The following GRIN3A variants were observed in gnomAD, a reference collection of about 807,000 sequenced individuals.
The protein encoded by GRIN3A is glutamate receptor ionotropic, NMDA 3A.
GRIN3A carries 47 observed loss-of-function variants against 92.4 expected under a neutral mutation model. The ratio of observed to expected loss-of-function variants is 0.51; its 90% CI spans 0.40 to 0.65. The LOEUF (loss-of-function observed/expected upper bound fraction) is 0.65, where lower values mean the gene tolerates loss of function less well. GRIN3A is among the 30% of genes least tolerant of loss of function. GRIN3A has a pLI of 0.00. For missense variants in GRIN3A, 1,324 were observed against 1,393.1 expected (o/e 0.95, Z 0.79); for synonymous variants, 527 against 540.6 (o/e 0.97, Z 0.35).
At chr9:101,644,815 A>G (rs1050232361) in intron 3 of GRIN3A, among the ~76,000 whole-genome samples, 1 of 151,826 alleles carries the variant, frequency 6.6e-6, no homozygotes, top group Non-Finnish European at 1.5e-5. Context: ...CACTTTCTCT[A>G]TACCCCCATT....
At chr9:101,597,828 T>C (rs562945545) in intron 6 of GRIN3A, among the ~76,000 whole-genome samples, 5 of 152,048 alleles carry the variant, frequency 3.3e-5, no homozygotes, top group African/African-American at 1.2e-4. Flanking sequence ...ATAGTATATA[T>C]ATGATAAAGG....
At chr9:101,628,485 TTAA>T in intron 3 of GRIN3A, 84 bp from the exon 4 acceptor site, 1 of 1,395,722 alleles carries the variant, frequency 7.2e-7, no homozygotes. Context: ...TCTTTGAAAC[TTAA>T]TAATAATTCG....
chr9:101,623,412 G>C lies in GRIN3A; in HGVS notation c.2520C>G (p.Asp840Glu), dbSNP rs143827340. Residue 840 changes from aspartate (D) to glutamate (E), a missense_variant, in exon 5 of 9, where the codon GAC (aspartate) becomes GAG (glutamate). Physicochemically the swap from Asp to Glu is conservative, Grantham distance 45. Coordinates refer to ENST00000361820, the MANE Select transcript of GRIN3A (RefSeq NM_133445.3). ...GAAGGGCTTTGTCCATGATGAAGGC[G>C]TCTAGTTTCTCTGGATCATTCCTAT... ...EYLKNDPEKL[D>E]AFIMDKALLD... 9 of 1,610,784 alleles carry C rather than the reference G, an allele frequency of 5.6e-6. No individual in the cohort carries two copies. The South Asian group carries it at 8.8e-5, about 16-fold the overall frequency.
intron 3 of GRIN3A, among the ~76,000 whole-genome samples, chr9:101,650,956 CTA>C (rs1829007726): frequency 6.6e-6 from 1 of 151,932 alleles, no homozygotes; most frequent in African/African-American, 2.4e-5. Context: ...CTTGTGGGTA[CTA>C]TGTTTCCCTT....
chr9:101,657,982 G>T (rs1829112335), intron 3 of GRIN3A, among the ~76,000 whole-genome samples: 1 of 151,936 alleles, frequency 6.6e-6, no homozygotes. Flanking sequence ...CTTCAGTCAT[G>T]TTTGTGGTAT....
intron 4 of GRIN3A, among the ~76,000 whole-genome samples, chr9:101,627,531 A>G (rs1828650301): frequency 6.6e-6 from 1 of 152,118 alleles, no homozygotes; most frequent in African/African-American, 2.4e-5. Flanking sequence ...GATGTCTGTT[A>G]TTATCTTGAT....
chr9:101,610,531 C>T (rs1278747961), intron 6 of GRIN3A, among the ~76,000 whole-genome samples: 1 of 152,058 alleles, frequency 6.6e-6, no homozygotes, highest in Non-Finnish European at 1.5e-5. Context: ...CCAGGATAAT[C>T]AGAAGTAAAT....
intron 6 of GRIN3A, among the ~76,000 whole-genome samples, chr9:101,590,055 C>T (rs1588238120): frequency 2.0e-5 from 3 of 152,096 alleles, no homozygotes; most frequent in South Asian, 4.1e-4. Flanking sequence ...TTTTAAAAAA[C>T]ATTGTGAGAA....
intron 1 of GRIN3A, among the ~76,000 whole-genome samples, chr9:101,706,959 T>G (rs1829821906): frequency 6.6e-6 from 1 of 152,092 alleles, no homozygotes; most frequent in South Asian, 2.1e-4. Flanking sequence ...CTCACAGATT[T>G]CAGAAAAGAA....
At chr9:101,674,312 C>A (rs1406622518) in intron 2 of GRIN3A, among the ~76,000 whole-genome samples, 1 of 152,008 alleles carries the variant, frequency 6.6e-6, no homozygotes. Flanking sequence ...GAGGAGGGGA[C>A]TGAACATAAG....
chr9:101,641,209 A>G (rs62577431), intron 3 of GRIN3A, among the ~76,000 whole-genome samples: 6,564 of 152,344 alleles, frequency 0.043, 193 homozygotes, highest in Middle Eastern at 0.075. Context: ...TAGTTCAACC[A>G]TTGTGGAAGT....
rs117551537 is a variant in GRIN3A at position 101,669,329 on chromosome 9, C to T, written c.2352+731G>A. ...GCTGTCCTTACCTAAGTATTACCTG[C>T]TTTGGCTGTTTACCTGCACTCTACA... On this transcript the variant is annotated intron_variant, in intron 3 of 8. Coordinates refer to ENST00000361820, the MANE Select transcript of GRIN3A (RefSeq NM_133445.3). Among the ~76,000 whole-genome samples, 766 of 152,064 alleles carry T rather than the reference C, an allele frequency of 5.0e-3. 5 individuals are homozygous for T. Among genetic ancestry groups the T allele is most frequent in the Middle Eastern group, 0.017 (5 of 294 alleles).
chr9:101,580,814 G>C (rs1409916599), intron 6 of GRIN3A, among the ~76,000 whole-genome samples: 1 of 152,198 alleles, frequency 6.6e-6, no homozygotes, highest in African/African-American at 2.4e-5. Flanking sequence ...GTCCATTTCT[G>C]TTCAGCTCCA....
At chr9:101,610,825 G>T (rs551348244) in intron 6 of GRIN3A, among the ~76,000 whole-genome samples, 1 of 152,086 alleles carries the variant, frequency 6.6e-6, no homozygotes, top group Non-Finnish European at 1.5e-5. Flanking sequence ...TTAGCCAGGC[G>T]CGGTGGCTCA....
chr9:101,689,782 T>C (rs1203234600), intron 1 of GRIN3A, among the ~76,000 whole-genome samples: 1 of 150,248 alleles, frequency 6.7e-6, no homozygotes, highest in African/African-American at 2.5e-5. Flanking sequence ...ACAAAGATTA[T>C]GAAAACTTAT....
At chr9:101,604,527 G>A (rs1828251825) in intron 6 of GRIN3A, among the ~76,000 whole-genome samples, 1 of 152,160 alleles carries the variant, frequency 6.6e-6, no homozygotes, top group African/African-American at 2.4e-5. Flanking sequence ...AGCTGTCAAG[G>A]TGGCTCTTGA....
intron 3 of GRIN3A, among the ~76,000 whole-genome samples, chr9:101,645,670 C>T (rs745808429): frequency 6.7e-5 from 10 of 148,574 alleles, no homozygotes; most frequent in Non-Finnish European, 1.3e-4. Context: ...TCTCTGCATC[C>T]TTGATGGCAT....
At chr9:101,733,494 CAG>C (rs1312907144) in intron 1 of GRIN3A, among the ~76,000 whole-genome samples, 3 of 152,206 alleles carry the variant, frequency 2.0e-5, no homozygotes, top group African/African-American at 7.2e-5. Flanking sequence ...ATGCGACTAT[CAG>C]CTATTCATCA....
In GRIN3A at chr9:101,572,731, G is replaced by A. The variant is rs573330035; in HGVS notation, c.*443C>T. On this transcript the variant is annotated 3_prime_UTR_variant, in exon 9 of 9. Transcript: ENST00000361820. Reference sequence around the variant, plus strand: ...TGTAGGAATAAATCTAGATCGGGGAGTTGTATCAAAAGCTACAACCCTAGA... The same window carrying A: ...TGTAGGAATAAATCTAGATCGGGGAATTGTATCAAAAGCTACAACCCTAGA... 70 of 196,146 alleles carry A rather than the reference G, an allele frequency of 3.6e-4. No homozygotes were observed. Among genetic ancestry groups the A allele is most frequent in the Non-Finnish European group, 6.0e-4 (56 of 93,326 alleles). 12.2% of individuals were successfully genotyped at this position (196,146 alleles called of 1,614,324 possible).
Sources: gnomAD v4.1 joint callset for allele counts (sites outside exome capture counted in the v4.1 genomes callset) on GRCh38, gnomAD v4.1.1 for gene constraint, MANE v1.5 for transcripts, NCBI Gene and HGNC (gene_info 2026-07-23, HGNC 2026-07-21) for gene names.